FAT3: variants seen among roughly 807,000 people sequenced by gnomAD.
FAT3 encodes protocadherin Fat 3.
In FAT3, 95 loss-of-function variants were observed where a neutral mutation model predicts 310.2. The observed-to-expected ratio is 0.31, with a 90% CI of 0.26 to 0.36. The LOEUF is 0.36. Ranked by LOEUF, FAT3 falls within the 10% of genes least tolerant of loss-of-function variation. The pLI is 1.00. For missense variants in FAT3, 5,408 were observed against 5,715.6 expected (o/e 0.95, Z 1.74); for synonymous variants, 2,314 against 2,192.9 (o/e 1.06, Z -1.54).
At chr11:92,320,503 G>A (rs2134491372) in intron 1 of FAT3, among the ~76,000 whole-genome samples, 1 of 152,268 alleles carries the variant, frequency 6.6e-6, no homozygotes, top group East Asian at 1.9e-4. Flanking sequence ...TTTGTGTGTG[G>A]TGGTTAAGAT....
chr11:92,767,294 C>T (rs1340087924), intron 6 of FAT3, among the ~76,000 whole-genome samples: 1 of 151,584 alleles, frequency 6.6e-6, no homozygotes, highest in Admixed American at 6.6e-5. Context: ...CAGCAGAAAC[C>T]GAATAGGCAA....
intron 4 of FAT3, 133 bp downstream of exon 4, chr11:92,697,578 A>G (rs1010055907): frequency 9.8e-6 from 9 of 916,160 alleles, no homozygotes; most frequent in Admixed American, 4.4e-5. Context: ...TTGGGCTGCT[A>G]TGTTCTGAAT....
intron 3 of FAT3, among the ~76,000 whole-genome samples, chr11:92,552,865 G>A (rs1013994124): frequency 1.3e-5 from 2 of 151,882 alleles, no homozygotes; most frequent in African/African-American, 2.4e-5. Flanking sequence ...CAGGAGAATT[G>A]CTTGAACCCC....
intron 3 of FAT3, among the ~76,000 whole-genome samples, chr11:92,627,975 C>T (rs1284041996): frequency 6.6e-6 from 1 of 152,188 alleles, no homozygotes; most frequent in Non-Finnish European, 1.5e-5. Flanking sequence ...CAGAGCTTGA[C>T]ACCTACTGTG....
intron 22 of FAT3, among the ~76,000 whole-genome samples, chr11:92,875,803 T>G (rs1270577465): frequency 6.6e-6 from 1 of 152,172 alleles, no homozygotes; most frequent in East Asian, 1.9e-4. Flanking sequence ...AGCTGCTGCA[T>G]CAAGTAGTGC....
At chr11:92,280,324 G>A (rs1946389142) in intron 1 of FAT3, among the ~76,000 whole-genome samples, 1 of 151,968 alleles carries the variant, frequency 6.6e-6, no homozygotes, top group Non-Finnish European at 1.5e-5. Flanking sequence ...CCTGGATGTA[G>A]GGGTTTGGAA....
intron 3 of FAT3, among the ~76,000 whole-genome samples, chr11:92,525,438 A>G (rs1440698919): frequency 2.0e-5 from 3 of 152,156 alleles, no homozygotes; most frequent in African/African-American, 4.8e-5. Context: ...CAGTGTCTCA[A>G]TTTTTACATA....
At chr11:92,245,778 GC>G in intron 1 of FAT3, among the ~76,000 whole-genome samples, 1 of 152,106 alleles carries the variant, frequency 6.6e-6, no homozygotes, top group Non-Finnish European at 1.5e-5. Context: ...GCTGGATTTG[GC>G]CAGTGAGCTG....
At position 92,883,322 on chromosome 11, in the gene FAT3, TC is replaced by T; in HGVS notation, c.12870del (p.Ala4291ProfsTer32). 1 of 1,571,696 alleles carries T rather than the reference TC, an allele frequency of 6.4e-7. No homozygotes were observed. Among genetic ancestry groups the T allele is most frequent in the African/African-American group, 1.4e-5 (1 of 73,732 alleles). On this transcript the variant is annotated frameshift_variant, in exon 24 of 28. Coordinates refer to ENST00000525166, the MANE Select transcript of FAT3 (RefSeq NM_001367949.2). LOFTEE classifies it high-confidence loss of function. The surrounding 1 kb of genome is among the most constrained non-coding windows in gnomAD (Gnocchi z 4.2). ...GTCGTGTGCAGTGTGGCCCCCAACC[TC>T]CCCGCCGTGTCACCCTGCCGCTCCG... ...GVVVCSVAPN[L>X]PAVSPCRSDC... is the part of the protein sequence containing the mutation.
chr11:92,770,854 A>C (rs1275745643), intron 6 of FAT3, among the ~76,000 whole-genome samples: 1 of 152,140 alleles, frequency 6.6e-6, no homozygotes, highest in African/African-American at 2.4e-5. Context: ...CTGGCTCAAA[A>C]TATTTCCATT....
At chr11:92,517,580 A>G (rs1254143613) in intron 2 of FAT3, among the ~76,000 whole-genome samples, 2 of 152,338 alleles carry the variant, frequency 1.3e-5, no homozygotes, top group Middle Eastern at 3.4e-3. Context: ...CTTCATGACT[A>G]AAACACCAAA....
chr11:92,320,922 C>T (rs1947600451), intron 1 of FAT3, among the ~76,000 whole-genome samples: 1 of 151,920 alleles, frequency 6.6e-6, no homozygotes, highest in African/African-American at 2.4e-5. Context: ...CCATTTTCCC[C>T]CTTTTTTCAG....
intron 2 of FAT3, among the ~76,000 whole-genome samples, chr11:92,477,905 C>T (rs1000801153): frequency 4.6e-5 from 7 of 152,078 alleles, no homozygotes; most frequent in African/African-American, 9.7e-5. Flanking sequence ...CAGCATGGCA[C>T]GGGGCTAGGA....
chr11:92,588,913 T>G (rs1378359454), intron 3 of FAT3, among the ~76,000 whole-genome samples: 3 of 148,424 alleles, frequency 2.0e-5, no homozygotes, highest in Non-Finnish European at 4.4e-5. Flanking sequence ...AGGGTAAAAA[T>G]TAAGCTGTCG....
chr11:92,619,933 T>G (rs1450169978), intron 3 of FAT3, among the ~76,000 whole-genome samples: 3 of 152,132 alleles, frequency 2.0e-5, no homozygotes, highest in Non-Finnish European at 4.4e-5. Flanking sequence ...ATTTGGTTTT[T>G]ATAATACATT....
intron 4 of FAT3, among the ~76,000 whole-genome samples, chr11:92,712,044 G>A (rs547735546): frequency 3.9e-5 from 6 of 152,316 alleles, no homozygotes; most frequent in South Asian, 4.1e-4. Flanking sequence ...ATGTGGGCAT[G>A]CAAGCGACAT....
chr11:92,829,604 C>T (rs1272015945), intron 13 of FAT3, among the ~76,000 whole-genome samples: 4 of 152,122 alleles, frequency 2.6e-5, no homozygotes, highest in Non-Finnish European at 5.9e-5. Flanking sequence ...AGAATTTAAT[C>T]TTGCAGCCAC....
At chr11:92,655,962 TG>T (rs1381377628) in intron 3 of FAT3, among the ~76,000 whole-genome samples, 2 of 152,238 alleles carry the variant, frequency 1.3e-5, no homozygotes, top group African/African-American at 4.8e-5. Flanking sequence ...CTTAAGCTAC[TG>T]GATGCATTAA....
rs1254889944 is a variant in FAT3, at chr11:92,799,473, T to G, written c.6460T>G (p.Tyr2154Asp). ...AFNSDLSNIE[Y>D]GVTILAKDGG... is the part of the protein sequence containing the mutation. ...CAACTCTGACTTGTCCAACATTGAGTATGGAGTCACCATCCTAGCCAAGGA... is the reference window on the plus strand; with the variant it reads ...CAACTCTGACTTGTCCAACATTGAGGATGGAGTCACCATCCTAGCCAAGGA... The change falls in exon 10 of 28, where the codon TAT becomes GAT. Residue 2154 changes from tyrosine to aspartate, a missense_variant. Physicochemically the swap from Tyr to Asp is radical, Grantham distance 160. Around this residue, in one of 5 missense-constraint regions of FAT3, gnomAD observed 4,588 missense variants for 4,809.8 expected, o/e 0.95. Transcript: ENST00000525166. 6.2e-7 allele frequency: 1 copy of G among 1,613,506 alleles called. No homozygotes were observed. Among genetic ancestry groups the G allele is most frequent in the Non-Finnish European group, 8.5e-7 (1 of 1,179,796 alleles).
Sources: gnomAD v4.1 joint callset for allele counts (sites outside exome capture counted in the v4.1 genomes callset) on GRCh38, gnomAD v4.1.1 for gene constraint, gnomAD v4.1.1 regional missense constraint, Gnocchi (gnomAD v3.1) non-coding constraint, MANE v1.5 for transcripts, NCBI Gene and HGNC (gene_info 2026-07-23, HGNC 2026-07-21) for gene names.